MAP4K4: variants seen among roughly 807,000 people sequenced by gnomAD.
MAP4K4 encodes the protein HPK/GCK-like kinase HGK.
A neutral mutation model predicts 189.6 loss-of-function variants in MAP4K4; 38 were observed. The ratio of observed to expected loss-of-function variants is 0.20; its 90% CI spans 0.15 to 0.26. The LOEUF (loss-of-function observed/expected upper bound fraction) is 0.26, where lower values mean the gene tolerates loss of function less well. MAP4K4 is among the 10% of genes least tolerant of loss of function. The pLI is 1.00. For synonymous variants in MAP4K4, 610 were observed against 624.3 expected, an observed-to-expected ratio of 0.98 and a Z score of 0.34; for missense variants, 1,054 against 1,726.9, an observed-to-expected ratio of 0.61 and a Z score of 6.91.
rs2096869266 is a variant in MAP4K4 at position 101,840,036 on chromosome 2, G to A, written c.949+42G>A. On this transcript the variant is annotated intron_variant, in intron 10 of 32. Transcript: ENST00000324219. ...TGTTTTCATCCTTTAAAATTTTTAT[G>A]TTTAGTTTCTTGCCAACTAGAGTAG... The A allele has an allele frequency of 1.9e-6, 3 of 1,546,288 alleles. No homozygotes were observed. In the Admixed American group the frequency reaches 6.3e-5, roughly 33 times the overall value.
At chr2:101,863,452 T>C (rs1195733742) in intron 16 of MAP4K4, among the ~76,000 whole-genome samples, 1 of 152,138 alleles carries the variant, frequency 6.6e-6, no homozygotes, top group Non-Finnish European at 1.5e-5. Flanking sequence ...TCTGCCTCTC[T>C]CTGCCTTTCC....
chr2:101,842,770 A>T (rs768079682), intron 11 of MAP4K4, 89 bp downstream of exon 11: 25 of 891,478 alleles, frequency 2.8e-5, no homozygotes, highest in Admixed American at 1.3e-4. Context: ...CCTGTGTGGT[A>T]CAAAGAATCT....
chr2:101,745,862 G>C (rs980825459), intron 2 of MAP4K4, among the ~76,000 whole-genome samples: 11 of 149,080 alleles, frequency 7.4e-5, no homozygotes, highest in Admixed American at 2.0e-4. Flanking sequence ...TTTCCTTTGA[G>C]TGAGTCTGCT....
chr2:101,784,276 G>A (rs866332929), intron 2 of MAP4K4, among the ~76,000 whole-genome samples: 4 of 145,596 alleles, frequency 2.7e-5, no homozygotes, highest in South Asian at 2.1e-4. Context: ...GTGTGTGTGT[G>A]TGTGTGTGTG....
chr2:101,872,923 A>T (rs2098091165), intron 24 of MAP4K4, among the ~76,000 whole-genome samples: 1 of 152,180 alleles, frequency 6.6e-6, no homozygotes, highest in Non-Finnish European at 1.5e-5. Flanking sequence ...TATAACCCTT[A>T]ACTCACTAAA....
intron 2 of MAP4K4, among the ~76,000 whole-genome samples, chr2:101,733,117 C>T (rs932203979): frequency 3.3e-5 from 5 of 152,226 alleles, no homozygotes; most frequent in East Asian, 1.9e-4. Context: ...AGGAGCCAGC[C>T]TCTGTCACTC....
intron 2 of MAP4K4, among the ~76,000 whole-genome samples, chr2:101,753,036 G>T (rs1182288548): frequency 6.6e-6 from 1 of 152,230 alleles, no homozygotes. Flanking sequence ...AGCATTTATT[G>T]TGTGTTTTAT....
rs149283961 is a variant in MAP4K4, at chr2:101,729,101, A to AGAGAGT, written c.123+30564_123+30565insAGAGTG. Among the ~76,000 whole-genome samples the AGAGAGT allele has an allele frequency of 5.3e-4, 69 of 130,598 alleles. 1 individual carries two copies. Among genetic ancestry groups the AGAGAGT allele is most frequent in the African/African-American group, 1.7e-3 (56 of 32,204 alleles). 85.7% of individuals were successfully genotyped at this position (130,598 alleles called of 152,430 possible). On this transcript the variant is annotated intron_variant, in intron 2 of 32. Transcript: ENST00000324219. ...AGGAGAGAGAGAGAGAGAGAGAGAGAGTGTGTGTGTGTGTGTGTGTGTGTG... is the reference window on the plus strand; with the variant it reads ...AGGAGAGAGAGAGAGAGAGAGAGAGAGAGAGTGTGTGTGTGTGTGTGTGTGTGTGTG...
chr2:101,866,643 GTT>G, intron 19 of MAP4K4, 64 bp downstream of exon 19: 1 of 1,577,554 alleles, frequency 6.3e-7, no homozygotes, highest in Non-Finnish European at 8.7e-7. Context: ...TATCTTGGAA[GTT>G]TGTCTTAATC....
intron 2 of MAP4K4, among the ~76,000 whole-genome samples, chr2:101,725,169 T>A (rs1383780370): frequency 6.6e-6 from 1 of 152,176 alleles, no homozygotes; most frequent in Middle Eastern, 3.2e-3. Flanking sequence ...AGTATTTGCT[T>A]CTTACAAATA....
intron 2 of MAP4K4, among the ~76,000 whole-genome samples, chr2:101,753,583 A>T (rs1275862775): frequency 6.6e-6 from 1 of 152,116 alleles, no homozygotes; most frequent in Non-Finnish European, 1.5e-5. Flanking sequence ...ACACAGTGAG[A>T]TATGGATTTC....
chr2:101,719,056 T>C (rs974238845), intron 2 of MAP4K4, among the ~76,000 whole-genome samples: 1 of 152,186 alleles, frequency 6.6e-6, no homozygotes, highest in African/African-American at 2.4e-5. Context: ...ACTGTAGTCT[T>C]TCTGAGGCTC....
At chr2:101,839,021 G>C (rs564566237) in intron 9 of MAP4K4, among the ~76,000 whole-genome samples, 1 of 152,264 alleles carries the variant, frequency 6.6e-6, no homozygotes, top group African/African-American at 2.4e-5. Context: ...GTTAAAAGCA[G>C]ATAACCCCAG....
intron 2 of MAP4K4, among the ~76,000 whole-genome samples, chr2:101,746,998 A>T (rs2065943274): frequency 6.6e-6 from 1 of 152,162 alleles, no homozygotes; most frequent in African/African-American, 2.4e-5. Flanking sequence ...GCTCAGATGC[A>T]GGTTGAGGTT....
chr2:101,878,996 A>G (rs184200787), intron 27 of MAP4K4, among the ~76,000 whole-genome samples: 17 of 152,202 alleles, frequency 1.1e-4, no homozygotes, highest in Admixed American at 8.5e-4. Flanking sequence ...ACAAATCTGC[A>G]TTTAGTGATC....
chr2:101,824,026 C>T (rs756159703), exon 4 of MAP4K4: 1 of 1,605,372 alleles, frequency 6.2e-7, no homozygotes, highest in Non-Finnish European at 8.5e-7. Flanking sequence ...TCAAAAAGAG[C>T]CCTCCAGGAC....
At chr2:101,894,346 T>G (rs956909012) in exon 33 of MAP4K4, 2 of 152,794 alleles carry the variant, frequency 1.3e-5, no homozygotes, top group African/African-American at 4.8e-5. Context: ...TTTTTTACTC[T>G]TTTCTCATGC....
rs191442843 is a variant in MAP4K4, at chr2:101,871,024, A to C, written c.2761-470A>C. On this transcript the variant is annotated intron_variant, in intron 23 of 32. Coordinates refer to ENST00000324219, the Ensembl canonical transcript of MAP4K4. ...CATTTCTTAGCTTAGACTTAATTAA[A>C]GTGATACGCTTCTCATTTAAATAGA... is the stretch of plus-strand genomic sequence containing the variant. 1.2e-4 allele frequency among the ~76,000 whole-genome samples: 19 copies of C among 152,318 alleles called. No individual in the cohort carries two copies. In the East Asian group the frequency reaches 3.7e-3, roughly 29 times the overall value.
chr2:101,876,657 A>G (rs992779750), intron 26 of MAP4K4, among the ~76,000 whole-genome samples: 1 of 152,218 alleles, frequency 6.6e-6, no homozygotes, highest in Non-Finnish European at 1.5e-5. Flanking sequence ...CTAATTAGAC[A>G]TAGAATCTGT....
Sources: gnomAD v4.1 joint callset for allele counts (sites outside exome capture counted in the v4.1 genomes callset) on GRCh38, gnomAD v4.1.1 for gene constraint, MANE v1.5 for transcripts, NCBI Gene and HGNC (gene_info 2026-07-23, HGNC 2026-07-21) for gene names.